The following TP63 variants were observed in gnomAD, a reference collection of about 807,000 sequenced individuals.
TP63 encodes tumor protein 63.
Under a neutral mutation model 82.8 loss-of-function variants are expected in TP63, and 17 were observed. The observed-to-expected ratio is 0.21, with a 90% CI of 0.14 to 0.31. TP63 has a LOEUF of 0.31. TP63 is among the 10% of genes least tolerant of loss of function. The pLI, the probability that TP63 is intolerant of heterozygous loss-of-function variation, is 1.00. For missense variants in TP63, 648 were observed against 895.3 expected, an observed-to-expected ratio of 0.72 and a Z score of 3.52; for synonymous variants, 330 against 321.7, an observed-to-expected ratio of 1.03 and a Z score of -0.28.
chr3:189,660,532 T>C (rs1007273976), intron 1 of TP63, among the ~76,000 whole-genome samples: 1 of 152,078 alleles, frequency 6.6e-6, no homozygotes, highest in Non-Finnish European at 1.5e-5. Flanking sequence ...TTAGGATTGC[T>C]TTGAATTTTC....
intron 1 of TP63, among the ~76,000 whole-genome samples, chr3:189,698,357 C>G (rs1054590234): frequency 6.6e-6 from 1 of 152,034 alleles, no homozygotes; most frequent in East Asian, 1.9e-4. Flanking sequence ...TGAAATGTCA[C>G]TAGAAATTCA....
At chr3:189,840,777 A>G (rs571942862) in intron 4 of TP63, among the ~76,000 whole-genome samples, 1 of 149,996 alleles carries the variant, frequency 6.7e-6, no homozygotes, top group Non-Finnish European at 1.5e-5. Flanking sequence ...GAATTGCTTG[A>G]ACCCGGGAGG....
At chr3:189,810,811 G>T (rs576678824) in intron 4 of TP63, among the ~76,000 whole-genome samples, 2 of 143,076 alleles carry the variant, frequency 1.4e-5, no homozygotes, top group Non-Finnish European at 1.5e-5. Context: ...AGCTGAGATC[G>T]CACCACTACA....
intron 10 of TP63, among the ~76,000 whole-genome samples, chr3:189,875,528 T>TGCGC (rs1718943783): frequency 7.0e-6 from 1 of 142,516 alleles, no homozygotes; most frequent in Non-Finnish European, 1.5e-5. Context: ...ATTGTGCCAC[T>TGCGC]GCACTCCAGC....
At chr3:189,759,551 A>T (rs1366710995) in intron 3 of TP63, among the ~76,000 whole-genome samples, 1 of 152,214 alleles carries the variant, frequency 6.6e-6, no homozygotes, top group Non-Finnish European at 1.5e-5. Context: ...GTAAGATATC[A>T]GTCAATACAT....
At chr3:189,677,449 C>CAT (rs1553810248) in intron 1 of TP63, among the ~76,000 whole-genome samples, 4 of 147,406 alleles carry the variant, frequency 2.7e-5, no homozygotes, top group Non-Finnish European at 3.0e-5. Context: ...TATATACACA[C>CAT]ATATATATAC....
intron 1 of TP63, among the ~76,000 whole-genome samples, chr3:189,715,106 C>T (rs1718864157): frequency 6.6e-6 from 1 of 152,108 alleles, no homozygotes; most frequent in Admixed American, 6.6e-5. Flanking sequence ...CACTTGCCCT[C>T]GTTTCCTCCC....
At chr3:189,840,615 C>T (rs1372481919) in intron 4 of TP63, among the ~76,000 whole-genome samples, 1 of 151,582 alleles carries the variant, frequency 6.6e-6, no homozygotes, top group African/African-American at 2.4e-5. Context: ...AATTCCAGCA[C>T]TTTGGGAGGC....
intron 1 of TP63, among the ~76,000 whole-genome samples, chr3:189,719,284 C>G (rs6783042): frequency 0.13 from 20,423 of 152,146 alleles, 1,567 homozygotes; most frequent in Admixed American, 0.19. Context: ...GAATCGGTAG[C>G]CTTTTTTGAA....
At chr3:189,686,839 T>C (rs1716488519) in intron 1 of TP63, among the ~76,000 whole-genome samples, 1 of 151,128 alleles carries the variant, frequency 6.6e-6, no homozygotes, top group African/African-American at 2.4e-5. Context: ...CAAGCGATTC[T>C]CCTGCCTCAG....
rs1053640275 is a variant in TP63 at position 189,669,326 on chromosome 3, G to A, written c.62+37749G>A. On this transcript the variant is annotated intron_variant, in intron 1 of 13. Transcript: ENST00000264731. Reference sequence around the variant, plus strand: ...AAGACATTTATGGTAAACAAACTGAGGATAATTTGTAGTTAGCAGGTGTGT... The same window carrying A: ...AAGACATTTATGGTAAACAAACTGAAGATAATTTGTAGTTAGCAGGTGTGT... Among the ~76,000 whole-genome samples the A allele has an allele frequency of 2.6e-5, 4 of 151,120 alleles. No homozygotes were observed. In the South Asian group the frequency reaches 8.4e-4, roughly 32 times the overall value.
At chr3:189,743,781 G>A (rs888964097) in intron 3 of TP63, among the ~76,000 whole-genome samples, 3 of 152,088 alleles carry the variant, frequency 2.0e-5, no homozygotes, top group African/African-American at 4.8e-5. Context: ...AACAAGAAAC[G>A]GATGTGAGGG....
In TP63 at chr3:189,799,892, T is replaced by C. The variant is rs78231783; in HGVS notation, c.325-8380T>C. On this transcript the variant is annotated intron_variant, in intron 3 of 13. Transcript: ENST00000264731. ...ATGTTGAAGTGTTTTGCATTTATTC[T>C]TTTAAGAACTGTCTCCTGAGCATCT... Among the ~76,000 whole-genome samples, 601 of 152,324 alleles carry C rather than the reference T, an allele frequency of 3.9e-3. 2 individuals are homozygous for C. Among genetic ancestry groups the C allele is most frequent in the Non-Finnish European group, 6.3e-3 (430 of 68,020 alleles).
intron 11 of TP63, 101 bp downstream of exon 11, chr3:189,886,652 A>C (rs1391420426): frequency 6.6e-7 from 1 of 1,514,920 alleles, no homozygotes; most frequent in Non-Finnish European, 9.0e-7. Flanking sequence ...AATGAGAGAC[A>C]CAGTGGGACA....
At chr3:189,816,309 C>A (rs563192210) in intron 4 of TP63, among the ~76,000 whole-genome samples, 1 of 152,140 alleles carries the variant, frequency 6.6e-6, no homozygotes, top group South Asian at 2.1e-4. Flanking sequence ...AACTTAAAAT[C>A]GGCCCTGAGT....
intron 10 of TP63, among the ~76,000 whole-genome samples, chr3:189,875,611 T>TATAC (rs1553859677): frequency 4.4e-4 from 34 of 77,040 alleles, no homozygotes; most frequent in African/African-American, 1.5e-3. Context: ...TATATATATA[T>TATAC]ATATATATAT....
At chr3:189,752,104 A>T (rs1405586306) in intron 3 of TP63, among the ~76,000 whole-genome samples, 1 of 152,022 alleles carries the variant, frequency 6.6e-6, no homozygotes, top group African/African-American at 2.4e-5. Context: ...GTGGTTTTTG[A>T]GGATTTGGTT....
At chr3:189,686,635 G>T (rs1272893907) in intron 1 of TP63, among the ~76,000 whole-genome samples, 1 of 145,106 alleles carries the variant, frequency 6.9e-6, no homozygotes, top group African/African-American at 2.5e-5. Context: ...TTAAAAAAAT[G>T]ATAGCAAAGT....
intron 1 of TP63, among the ~76,000 whole-genome samples, chr3:189,678,585 A>G (rs1715646273): frequency 6.6e-6 from 1 of 152,018 alleles, no homozygotes; most frequent in Non-Finnish European, 1.5e-5. Context: ...TCAGTTTCAT[A>G]TAAATTTCGG....
Sources: gnomAD v4.1 joint callset for allele counts (sites outside exome capture counted in the v4.1 genomes callset) on GRCh38, gnomAD v4.1.1 for gene constraint, MANE v1.5 for transcripts, NCBI Gene and HGNC (gene_info 2026-07-23, HGNC 2026-07-21) for gene names.